The following BTG4 variants were observed in gnomAD, a reference collection of about 807,000 sequenced individuals.
BTG4 encodes BTG anti-proliferation factor 4, also known as protein BTG4.
Under a neutral mutation model 19.3 loss-of-function variants are expected in BTG4, and 10 were observed. That is an observed-to-expected ratio of 0.52 (90% CI 0.32 to 0.88). BTG4 has a LOEUF of 0.88. BTG4 is among the 40% of genes least tolerant of loss of function. BTG4 has a pLI of 0.04. For synonymous variants in BTG4, 91 were observed against 95.7 expected, an observed-to-expected ratio of 0.95 and a Z score of 0.29; for missense variants, 238 against 281.9, an observed-to-expected ratio of 0.84 and a Z score of 1.11.
chr11:111,441,579 G>A, the BTG4 span, among the ~76,000 whole-genome samples: 870 of 152,296 alleles, frequency 5.7e-3, 9 homozygotes, highest in African/African-American at 0.02. Flanking sequence ...CTCTTGGGCT[G>A]TTTATAATAT....
In BTG4 at chr11:111,498,750, A is replaced by G; in HGVS notation, c.27T>C (p.Val9=). Reference sequence around the variant, plus strand: ...TTTTCACCAATCTTGTGACAAAGAAAACTGTTGTTGCAATTTCATCTCTCA... The same window carrying G: ...TTTTCACCAATCTTGTGACAAAGAAGACTGTTGTTGCAATTTCATCTCTCA... MRDEIATT[V]FFVTRLVKKH... is the part of the protein sequence containing the mutation. Residue 9 remains valine, a synonymous_variant, in exon 2 of 5, where the codon GTT becomes GTC. Coordinates refer to ENST00000692032, the MANE Select transcript of BTG4 (RefSeq NM_001367975.1). 1 of 1,612,262 alleles carries G rather than the reference A, an allele frequency of 6.2e-7. No homozygotes were observed.
At chr11:111,467,435 C>A, downstream of BTG4, 1 of 467,958 alleles carries the variant, frequency 2.1e-6, no homozygotes, top group Non-Finnish European at 3.7e-6. Context: ...TACCCTGTTG[C>A]AATTTAAATT....
the BTG4 span, among the ~76,000 whole-genome samples, chr11:111,434,047 T>C: frequency 6.6e-5 from 10 of 152,358 alleles, no homozygotes; most frequent in East Asian, 1.5e-3. Flanking sequence ...ATCCCATTAC[T>C]GGGTATATAC....
At chr11:111,504,950 C>G (rs1866347307) in intron 1 of BTG4, among the ~76,000 whole-genome samples, 1 of 152,024 alleles carries the variant, frequency 6.6e-6, no homozygotes. Flanking sequence ...CTACAAAACA[C>G]TGATGAAAGA....
chr11:111,442,655 T>C, the BTG4 span, among the ~76,000 whole-genome samples: 1 of 151,180 alleles, frequency 6.6e-6, no homozygotes, highest in Non-Finnish European at 1.5e-5. Flanking sequence ...AAGGACCCCG[T>C]AGCCCACTGG....
chr11:111,424,405 A>T, the BTG4 span, among the ~76,000 whole-genome samples: 2 of 152,226 alleles, frequency 1.3e-5, no homozygotes, highest in Non-Finnish European at 2.9e-5. Context: ...TAACGCGAAA[A>T]TGCTGGGCGT....
chr11:111,428,820 C>T, the BTG4 span, among the ~76,000 whole-genome samples: 4 of 152,178 alleles, frequency 2.6e-5, no homozygotes, highest in African/African-American at 4.8e-5. Flanking sequence ...TCTTCAGCTT[C>T]ATGGCTGCCT....
Position 111,495,231 on chromosome 11 carries a change from C to A in BTG4, c.594G>T (p.Leu198=). The change falls in exon 5 of 5, where the codon CTG becomes CTT. Residue 198 remains leucine (L), a synonymous_variant. Coordinates refer to ENST00000692032, the MANE Select transcript of BTG4 (RefSeq NM_001367975.1). The stretch of plus-strand genomic sequence containing the variant: ...TCTGCGAGCCATGGTAAGTGTTTCC[C>A]AGGAGGCCAACACGGCCGTCCACCA... The part of the protein sequence containing the change: ...KNVVDGRVGL[L]GNTYHGSQKH... 1 of 1,612,826 alleles carries A rather than the reference C, an allele frequency of 6.2e-7. No homozygotes were observed. The highest frequency in any genetic ancestry group is 8.5e-7 in the Non-Finnish European group (1 of 1,179,556).
At chr11:111,511,709 T>C (rs1199456393) in intron 1 of BTG4, among the ~76,000 whole-genome samples, 4 of 152,206 alleles carry the variant, frequency 2.6e-5, no homozygotes, top group African/African-American at 9.7e-5. Context: ...TCTGTAACTG[T>C]CCCTTTTGCC....
At chr11:111,458,181 A>T in the BTG4 span, 1 of 152,780 alleles carries the variant, frequency 6.5e-6, no homozygotes, top group Admixed American at 6.5e-5. Context: ...CTGGAGAGGC[A>T]GCTGGTGACA....
At chr11:111,499,155 A>C (rs1055860582) in intron 1 of BTG4, among the ~76,000 whole-genome samples, 3 of 152,248 alleles carry the variant, frequency 2.0e-5, no homozygotes, top group Non-Finnish European at 4.4e-5. Context: ...ATATTAACAA[A>C]GAGCAAAATA....
the BTG4 span, among the ~76,000 whole-genome samples, chr11:111,430,762 T>C: frequency 6.6e-6 from 1 of 152,238 alleles, no homozygotes. Flanking sequence ...AAAGGTTGAA[T>C]AACTTCCTCA....
At chr11:111,399,953 T>TAG in the BTG4 span, among the ~76,000 whole-genome samples, 5 of 152,222 alleles carry the variant, frequency 3.3e-5, no homozygotes, top group South Asian at 1.0e-3. Flanking sequence ...ATGGCCTGGA[T>TAG]AGAGGCCTTA....
the BTG4 span, among the ~76,000 whole-genome samples, chr11:111,416,195 T>C: frequency 6.6e-6 from 1 of 152,232 alleles, no homozygotes; most frequent in East Asian, 1.9e-4. Flanking sequence ...GGGGTACTAC[T>C]GAGGGTTGAG....
the BTG4 span, chr11:111,398,079 C>T: frequency 6.6e-6 from 1 of 152,186 alleles, no homozygotes; most frequent in Non-Finnish European, 1.5e-5. Flanking sequence ...GTAGTCACGA[C>T]CACCATCACC....
the BTG4 span, among the ~76,000 whole-genome samples, chr11:111,406,233 G>A: frequency 6.6e-6 from 1 of 152,186 alleles, no homozygotes. Context: ...TCCCATGTCA[G>A]CCTCTTGAGT....
the BTG4 span, among the ~76,000 whole-genome samples, chr11:111,391,663 T>C: frequency 6.6e-6 from 1 of 152,112 alleles, no homozygotes; most frequent in Non-Finnish European, 1.5e-5. Context: ...TTGTGATCCT[T>C]GGAAATGTGT....
At chr11:111,445,988 T>C in the BTG4 span, among the ~76,000 whole-genome samples, 2 of 152,168 alleles carry the variant, frequency 1.3e-5, no homozygotes, top group Non-Finnish European at 2.9e-5. Context: ...ACCTTTGAGA[T>C]GGATTTCACA....
the BTG4 span, among the ~76,000 whole-genome samples, chr11:111,435,485 G>A: frequency 1.3e-5 from 2 of 152,206 alleles, no homozygotes; most frequent in East Asian, 3.8e-4. Context: ...CACCACGAAA[G>A]CATACCGCTC....
Sources: allele counts gnomAD v4.1 joint callset (sites outside exome capture counted in the v4.1 genomes callset), GRCh38; gene constraint gnomAD v4.1.1; transcripts MANE v1.5; gene names NCBI Gene and HGNC (gene_info 2026-07-23, HGNC 2026-07-21).